Variants in SCN9A observed in about 807,000 individuals in gnomAD.
SCN9A encodes sodium channel protein type 9 subunit alpha.
SCN9A carries 131 observed loss-of-function variants against 187.0 expected under a neutral mutation model. That is an observed-to-expected ratio of 0.70 (90% CI 0.61 to 0.81). SCN9A has a LOEUF of 0.81. Ranked by LOEUF, SCN9A falls within the 30% of genes least tolerant of loss-of-function variation. SCN9A has a pLI of 0.00. For synonymous variants in SCN9A, 809 were observed against 808.6 expected, an observed-to-expected ratio of 1.00 and a Z score of -0.01; for missense variants, 2,252 against 2,396.6, an observed-to-expected ratio of 0.94 and a Z score of 1.26.
At chr2:166,277,917 T>G in intron 15 of SCN9A, 1 of 460,858 alleles carries the variant, frequency 2.2e-6, no homozygotes, top group South Asian at 5.5e-5. Context: ...TATATTAGCG[T>G]GTACTTCAAA....
rs186492944 is a variant in SCN9A at position 166,289,640 on chromosome 2, A to G, written c.1108-997T>C. 3.6e-3 allele frequency among the ~76,000 whole-genome samples: 551 copies of G among 152,264 alleles called. 4 individuals carry two copies. Among genetic ancestry groups the G allele is most frequent in the Admixed American group, 5.4e-3 (82 of 15,296 alleles). On this transcript the variant is annotated intron_variant, in intron 9 of 26. Coordinates refer to ENST00000642356, the MANE Select transcript of SCN9A (RefSeq NM_001365536.1). ...GCTATTGTGAATAGTGCCACAATAA[A>G]CATATGTGTGCATGTGTCTTTACCA...
chr2:166,232,078 C>T (rs912682180), intron 21 of SCN9A, among the ~76,000 whole-genome samples: 10 of 151,894 alleles, frequency 6.6e-5, no homozygotes, highest in South Asian at 2.1e-4. Context: ...GGGTTAGGGT[C>T]GGGACAGGGC....
At chr2:166,357,346 A>G (rs975652719) in intron 1 of SCN9A, among the ~76,000 whole-genome samples, 6 of 152,206 alleles carry the variant, frequency 3.9e-5, no homozygotes, top group African/African-American at 1.4e-4. Flanking sequence ...TACCTAGTGT[A>G]ACGCCTACAG....
intron 9 of SCN9A, among the ~76,000 whole-genome samples, chr2:166,290,765 G>C (rs6728078): frequency 0.38 from 57,803 of 151,820 alleles, 11,090 homozygotes; most frequent in Non-Finnish European, 0.4. Context: ...GGGATGCAAG[G>C]CTGGTTCAAT....
intron 1 of SCN9A, among the ~76,000 whole-genome samples, chr2:166,345,898 T>C (rs569123332): frequency 6.6e-6 from 1 of 152,316 alleles, no homozygotes; most frequent in South Asian, 2.1e-4. Context: ...ACATGGGCAT[T>C]ACACATTACA....
chr2:166,281,342 T>A (rs535096798), intron 13 of SCN9A, among the ~76,000 whole-genome samples: 9 of 152,340 alleles, frequency 5.9e-5, no homozygotes, highest in African/African-American at 2.2e-4. Context: ...CACGTAGCTC[T>A]GGGTTAACCT....
At chr2:166,248,362 A>G (rs1245571363) in intron 18 of SCN9A, 1 of 152,070 alleles carries the variant, frequency 6.6e-6, no homozygotes, top group Non-Finnish European at 1.5e-5. Context: ...CCAGTTTTTA[A>G]GCACCCAATG....
intron 1 of SCN9A, among the ~76,000 whole-genome samples, chr2:166,348,255 AAT>A (rs540810897): frequency 6.8e-4 from 103 of 152,220 alleles, no homozygotes; most frequent in African/African-American, 2.3e-3. Context: ...AAAAAAAAAA[AAT>A]GACAAGTAGC....
chr2:166,260,655 G>A (rs1308341088), intron 17 of SCN9A, among the ~76,000 whole-genome samples: 1 of 151,900 alleles, frequency 6.6e-6, no homozygotes, highest in Admixed American at 6.6e-5. Context: ...GTTTTTGGGG[G>A]ACTCAATATT....
rs200732899 is a variant in SCN9A, at chr2:166,197,566, A to G, written c.*1106T>C. 1.2e-4 allele frequency: 18 copies of G among 152,306 alleles called. No individual in the cohort carries two copies. The highest frequency in any genetic ancestry group is 3.8e-4 in the African/African-American group (16 of 41,586). The allele number at this position is 152,306 out of a possible 1,614,324, so 9.4% of individuals were successfully genotyped here. A position where few individuals can be genotyped will look rare whatever the true frequency, so the allele number is the denominator to read the frequency against. On this transcript the variant is annotated 3_prime_UTR_variant, in exon 27 of 27. Coordinates refer to ENST00000642356, the MANE Select transcript of SCN9A (RefSeq NM_001365536.1). ...CACATATCTGTGTAAAGTCTGTCAT[A>G]TTACATGATTTGAAAGCTTGCCAAA...
intron 1 of SCN9A, among the ~76,000 whole-genome samples, chr2:166,314,446 A>G (rs769406063): frequency 6.6e-6 from 1 of 152,230 alleles, no homozygotes; most frequent in Non-Finnish European, 1.5e-5. Flanking sequence ...TGACTCGGCA[A>G]TTCCACTACT....
chr2:166,278,477 C>T (rs1697336868), intron 14 of SCN9A, among the ~76,000 whole-genome samples, 164 bp from the exon 15 acceptor site: 1 of 152,104 alleles, frequency 6.6e-6, no homozygotes, highest in South Asian at 2.1e-4. Flanking sequence ...TTAGGTATTG[C>T]TCTTCCCTGG....
At chr2:166,295,027 G>A (rs1040756553) in intron 7 of SCN9A, among the ~76,000 whole-genome samples, 4 of 152,194 alleles carry the variant, frequency 2.6e-5, no homozygotes, top group Non-Finnish European at 4.4e-5. Context: ...TTAAGGCAAC[G>A]TGGTAGGCTG....
chr2:166,280,181 C>T (rs1052417223), intron 14 of SCN9A, among the ~76,000 whole-genome samples, 176 bp downstream of exon 14: 1 of 152,112 alleles, frequency 6.6e-6, no homozygotes. Context: ...CAGTACTGCA[C>T]AATTATTTTA....
At chr2:166,348,889 G>A (rs1300686271) in intron 1 of SCN9A, among the ~76,000 whole-genome samples, 1 of 152,124 alleles carries the variant, frequency 6.6e-6, no homozygotes, top group East Asian at 1.9e-4. Context: ...ACTTTGGGAG[G>A]CAGAGGTGGG....
chr2:166,213,458 C>CTAATAATAA (rs1365677237), intron 24 of SCN9A, among the ~76,000 whole-genome samples: 7 of 86,254 alleles, frequency 8.1e-5, no homozygotes, highest in African/African-American at 2.9e-4. Flanking sequence ...ACAAATTGAA[C>CTAATAATAA]CAATAATAAT....
chr2:166,315,115 T>C (rs910238037), intron 1 of SCN9A, among the ~76,000 whole-genome samples: 2 of 152,198 alleles, frequency 1.3e-5, no homozygotes, highest in African/African-American at 4.8e-5. Context: ...CACTTGTGCT[T>C]TGGAGATTCC....
intron 21 of SCN9A, 117 bp from the exon 22 acceptor site, chr2:166,229,089 G>A: frequency 2.6e-6 from 2 of 761,974 alleles, no homozygotes; most frequent in Non-Finnish European, 4.2e-6. Flanking sequence ...AAATATCTAA[G>A]ACATCAAACC....
At chr2:166,343,085 C>G (rs1478102907) in intron 1 of SCN9A, among the ~76,000 whole-genome samples, 1 of 151,978 alleles carries the variant, frequency 6.6e-6, no homozygotes, top group Non-Finnish European at 1.5e-5. Flanking sequence ...TAATGTAGTG[C>G]AGGTAAAAAG....
Sources: allele counts gnomAD v4.1 joint callset (sites outside exome capture counted in the v4.1 genomes callset), GRCh38; gene constraint gnomAD v4.1.1; transcripts MANE v1.5; gene names NCBI Gene and HGNC (gene_info 2026-07-23, HGNC 2026-07-21).